Variants in ZNF676 observed in about 807,000 individuals in gnomAD.
ZNF676 encodes the protein zinc finger protein 676.
Under a neutral mutation model 6.0 loss-of-function variants are expected in ZNF676, and 4 were observed. That is an observed-to-expected ratio of 0.67 (90% CI 0.33 to 1.53). The LOEUF is 1.53. ZNF676 is among the 40% of genes most tolerant of loss of function. The pLI, the probability that ZNF676 is intolerant of heterozygous loss-of-function variation, is 0.06. For synonymous variants in ZNF676, 198 were observed against 223.1 expected (o/e 0.89, Z 1.00); for missense variants, 644 against 679.7 (o/e 0.95, Z 0.58).
the ZNF676 span, among the ~76,000 whole-genome samples, chr19:22,231,645 C>T: frequency 8.2e-6 from 1 of 122,622 alleles, no homozygotes; most frequent in Admixed American, 8.8e-5. Flanking sequence ...GCTCTGTTTC[C>T]AGGCTGGAGT....
chr19:22,219,544 T>C (rs2024227522), upstream of ZNF676, among the ~76,000 whole-genome samples: 1 of 152,218 alleles, frequency 6.6e-6, no homozygotes, highest in South Asian at 2.1e-4. Flanking sequence ...AGACATCCAT[T>C]ACTGTGTTGA....
intron 2 of ZNF676, among the ~76,000 whole-genome samples, chr19:22,184,814 C>T (rs142113639): frequency 0.021 from 2,223 of 107,668 alleles, 40 homozygotes; most frequent in African/African-American, 0.052. Context: ...CCTCTTTGGG[C>T]AGGGCATCTT....
At chr19:22,213,756 T>C (rs2024156047) in intron 1 of ZNF676, among the ~76,000 whole-genome samples, 1 of 152,190 alleles carries the variant, frequency 6.6e-6, no homozygotes, top group African/African-American at 2.4e-5. Context: ...GGTTGTCTTA[T>C]GGGAGAAAAT....
intron 2 of ZNF676, 116 bp downstream of exon 2, chr19:22,192,900 T>A: frequency 8.7e-7 from 1 of 1,152,572 alleles, no homozygotes; most frequent in Non-Finnish European, 1.2e-6. Flanking sequence ...AAAATAAAAA[T>A]TAGCTTTCCA....
the ZNF676 span, among the ~76,000 whole-genome samples, chr19:22,230,005 C>A: frequency 6.6e-6 from 1 of 152,092 alleles, no homozygotes; most frequent in African/African-American, 2.4e-5. Flanking sequence ...TGGGTATATA[C>A]CCGAAAGATT....
intron 1 of ZNF676, among the ~76,000 whole-genome samples, chr19:22,214,844 C>G (rs997801387): frequency 6.6e-6 from 1 of 151,406 alleles, no homozygotes; most frequent in Non-Finnish European, 1.5e-5. Context: ...TCGAGACTAC[C>G]CTGACTAACA....
chr19:22,193,665 C>T (rs1170494266), intron 1 of ZNF676, among the ~76,000 whole-genome samples: 2 of 152,186 alleles, frequency 1.3e-5, no homozygotes, highest in East Asian at 3.9e-4. Context: ...GCCTCTGCTA[C>T]CCCCTCCAAT....
At chr19:22,225,452 CT>C in the ZNF676 span, among the ~76,000 whole-genome samples, 1 of 152,126 alleles carries the variant, frequency 6.6e-6, no homozygotes. Context: ...GTGTTGCATA[CT>C]TTGGAAATCA....
chr19:22,216,695 G>C (rs759856265), upstream of ZNF676, among the ~76,000 whole-genome samples: 1 of 151,180 alleles, frequency 6.6e-6, no homozygotes, highest in African/African-American at 2.4e-5. Flanking sequence ...CATGATCTCA[G>C]CTCACTGCAA....
Position 22,180,167 on chromosome 19 carries a change from G to A in ZNF676, c.1550C>T (p.Ser517Phe). The A allele has an allele frequency of 1.2e-6, 2 of 1,613,316 alleles. No individual in the cohort carries two copies. The highest frequency in any genetic ancestry group is 1.3e-5 in the African/African-American group (1 of 74,874). The change falls in exon 3 of 3, where the codon TCC (serine) becomes TTC (phenylalanine). Residue 517 changes from serine (S) to phenylalanine (F), a missense_variant. Coordinates refer to ENST00000397121, the MANE Select transcript of ZNF676 (RefSeq NM_001001411.3). ...TATCTTATGTTCAGTAAGGATCGAGGACCAGCTGAAGGCTTTGCCACATTC... is the reference window on the plus strand; with the variant it reads ...TATCTTATGTTCAGTAAGGATCGAGAACCAGCTGAAGGCTTTGCCACATTC... ...CEECGKAFSW[S>F]SILTEHKIIH... is the part of the protein sequence containing the mutation.
At chr19:22,234,719 A>C in the ZNF676 span, among the ~76,000 whole-genome samples, 1 of 152,110 alleles carries the variant, frequency 6.6e-6, no homozygotes, top group South Asian at 2.1e-4. Flanking sequence ...AGATCACCTG[A>C]GGTCAGGAGT....
At chr19:22,193,495 C>T (rs897371442) in intron 1 of ZNF676, among the ~76,000 whole-genome samples, 6 of 151,972 alleles carry the variant, frequency 3.9e-5, no homozygotes, top group Non-Finnish European at 5.9e-5. Flanking sequence ...GTCCTACTGC[C>T]GCTGTCTCCT....
At chr19:22,252,740 T>C in the ZNF676 span, among the ~76,000 whole-genome samples, 2 of 152,104 alleles carry the variant, frequency 1.3e-5, no homozygotes, top group East Asian at 3.9e-4. Flanking sequence ...GGCACGAGAG[T>C]CACATAACCT....
At chr19:22,252,118 G>T in the ZNF676 span, among the ~76,000 whole-genome samples, 1 of 152,088 alleles carries the variant, frequency 6.6e-6, no homozygotes, top group East Asian at 1.9e-4. Flanking sequence ...CACCTGGCTG[G>T]GCATGGTGGT....
At chr19:22,219,866 G>C (rs2024230051), upstream of ZNF676, among the ~76,000 whole-genome samples, 1 of 151,952 alleles carries the variant, frequency 6.6e-6, no homozygotes, top group African/African-American at 2.4e-5. Context: ...TGTTGGCCAA[G>C]CTGATCTCAA....
chr19:22,256,449 G>A, the ZNF676 span, among the ~76,000 whole-genome samples: 1 of 152,046 alleles, frequency 6.6e-6, no homozygotes, highest in Non-Finnish European at 1.5e-5. Context: ...CCAGTGATAT[G>A]TCACAATGCT....
In ZNF676 at chr19:22,190,502, AAT is replaced by A. The variant is rs1389265720; in HGVS notation, c.130+2512_130+2513del. Among the ~76,000 whole-genome samples the A allele has an allele frequency of 1.8e-3, 266 of 151,220 alleles. 1 individual carries two copies. Among genetic ancestry groups the A allele is most frequent in the African/African-American group, 6.0e-3 (250 of 41,364 alleles). ...AGACAATACCCAACAATCTTAAAATAATAATAATAATAAAGCAATGTTGCAGG... is the reference window on the plus strand; with the variant it reads ...AGACAATACCCAACAATCTTAAAATAAATAATAATAAAGCAATGTTGCAGG... On this transcript the variant is annotated intron_variant, in intron 2 of 2. Transcript: ENST00000397121.
At chr19:22,229,941 A>G in the ZNF676 span, among the ~76,000 whole-genome samples, 1 of 152,190 alleles carries the variant, frequency 6.6e-6, no homozygotes, top group Admixed American at 6.6e-5. Context: ...ACAATGTGAC[A>G]ATTCCTCAAG....
At chr19:22,238,063 T>A in the ZNF676 span, among the ~76,000 whole-genome samples, 1 of 152,188 alleles carries the variant, frequency 6.6e-6, no homozygotes, top group African/African-American at 2.4e-5. Flanking sequence ...TCATTTTCTA[T>A]CATCACTTTG....
Sources: allele counts gnomAD v4.1 joint callset (sites outside exome capture counted in the v4.1 genomes callset), GRCh38; gene constraint gnomAD v4.1.1; transcripts MANE v1.5; gene names NCBI Gene and HGNC (gene_info 2026-07-23, HGNC 2026-07-21).